Variants in LSAMP observed in about 807,000 individuals in gnomAD.
LSAMP encodes limbic system-associated membrane protein.
LSAMP carries 7 observed loss-of-function variants against 38.6 expected under a neutral mutation model. The ratio of observed to expected loss-of-function variants is 0.18; its 90% CI spans 0.10 to 0.34. The LOEUF is 0.34. Among genes scored for constraint, LSAMP ranks in the 10% least tolerant of loss-of-function variants. The pLI is 1.00. For missense variants in LSAMP, 313 were observed against 420.0 expected, an observed-to-expected ratio of 0.75 and a Z score of 2.23; for synonymous variants, 154 against 166.8, an observed-to-expected ratio of 0.92 and a Z score of 0.59.
chr3:116,217,446 G>C (rs894055383), intron 1 of LSAMP, among the ~76,000 whole-genome samples: 1 of 152,174 alleles, frequency 6.6e-6, no homozygotes, highest in African/African-American at 2.4e-5. Context: ...CCAGTTTCAT[G>C]GTTTGTTTAC....
chr3:116,109,769 G>A (rs1311293494), intron 1 of LSAMP, among the ~76,000 whole-genome samples: 3 of 151,836 alleles, frequency 2.0e-5, no homozygotes, highest in Non-Finnish European at 2.9e-5. Context: ...ATGGAGGGTG[G>A]AAGGTTGCCC....
At chr3:116,083,209 A>T (rs1707910166) in intron 2 of LSAMP, among the ~76,000 whole-genome samples, 1 of 152,116 alleles carries the variant, frequency 6.6e-6, no homozygotes, top group South Asian at 2.1e-4. Context: ...TTAGGACAGG[A>T]GTGAGTTTTA....
At chr3:116,150,391 T>G (rs140950577) in intron 1 of LSAMP, among the ~76,000 whole-genome samples, 79 of 152,190 alleles carry the variant, frequency 5.2e-4, no homozygotes, top group African/African-American at 1.9e-3. Flanking sequence ...TGCCTGTAGA[T>G]TTAAACATCC....
chr3:116,291,016 A>C (rs1164256309), intron 1 of LSAMP, among the ~76,000 whole-genome samples: 1 of 152,118 alleles, frequency 6.6e-6, no homozygotes, highest in Non-Finnish European at 1.5e-5. Context: ...CCTTATGTCC[A>C]ACAAGAAACT....
At chr3:116,221,651 T>G (rs564240908) in intron 1 of LSAMP, among the ~76,000 whole-genome samples, 1 of 152,216 alleles carries the variant, frequency 6.6e-6, no homozygotes, top group Non-Finnish European at 1.5e-5. Flanking sequence ...CACAGATTCT[T>G]ACACATACCA....
intron 1 of LSAMP, among the ~76,000 whole-genome samples, chr3:116,112,616 G>A (rs1447361522): frequency 6.6e-6 from 1 of 152,174 alleles, no homozygotes; most frequent in African/African-American, 2.4e-5. Flanking sequence ...GAATTTGGTA[G>A]CATAGGAACC....
intron 1 of LSAMP, among the ~76,000 whole-genome samples, chr3:116,253,052 T>C (rs2046705425): frequency 6.6e-6 from 1 of 152,202 alleles, no homozygotes; most frequent in Admixed American, 6.6e-5. Flanking sequence ...AAAGATGTTC[T>C]AGCCTTGGAT....
chr3:115,985,041 A>G (rs1484362462), intron 3 of LSAMP, among the ~76,000 whole-genome samples: 1 of 152,158 alleles, frequency 6.6e-6, no homozygotes, highest in Non-Finnish European at 1.5e-5. Flanking sequence ...AATAAGATAA[A>G]CTTTGTCCTG....
chr3:116,409,938 C>A (rs1037498113), intron 1 of LSAMP, among the ~76,000 whole-genome samples: 1 of 152,072 alleles, frequency 6.6e-6, no homozygotes, highest in African/African-American at 2.4e-5. Context: ...TGCTCAGATT[C>A]CTAACTCTGC....
Position 116,445,069 on chromosome 3 carries a change from G to A in LSAMP, c.-38C>T. ...GAGGTGCGGGTCCGCGGGGTGCTCT[G>A]GAGGGGTGCGCGCTGCTCGCGAGGA... On this transcript the variant is annotated 5_prime_UTR_variant, in exon 1 of 7. Coordinates refer to ENST00000490035, the MANE Select transcript of LSAMP (RefSeq NM_002338.5). 1 of 1,586,682 alleles carries A rather than the reference G, an allele frequency of 6.3e-7. No homozygotes were observed. Among genetic ancestry groups the A allele is most frequent in the Non-Finnish European group, 8.6e-7 (1 of 1,164,860 alleles).
At chr3:116,384,192 C>T (rs920665451) in intron 1 of LSAMP, among the ~76,000 whole-genome samples, 2 of 152,088 alleles carry the variant, frequency 1.3e-5, no homozygotes, top group Non-Finnish European at 2.9e-5. Context: ...AATACCACAC[C>T]AGTATCCTCC....
intron 1 of LSAMP, among the ~76,000 whole-genome samples, chr3:116,302,139 C>A (rs535164445): frequency 7.9e-5 from 12 of 152,270 alleles, no homozygotes; most frequent in African/African-American, 2.9e-4. Context: ...CCCAATAATG[C>A]AATAGAAAAG....
intron 1 of LSAMP, among the ~76,000 whole-genome samples, chr3:116,137,642 A>C (rs1176872661): frequency 6.6e-6 from 1 of 152,158 alleles, no homozygotes; most frequent in Non-Finnish European, 1.5e-5. Context: ...TGGCTACCCC[A>C]GCTAATCAAT....
At chr3:115,892,469 G>A (rs926120025) in intron 3 of LSAMP, among the ~76,000 whole-genome samples, 2 of 151,956 alleles carry the variant, frequency 1.3e-5, no homozygotes, top group Non-Finnish European at 2.9e-5. Context: ...AGTTGAGTGA[G>A]AGAAGCCAGA....
intron 1 of LSAMP, among the ~76,000 whole-genome samples, chr3:116,406,187 G>A (rs1331955637): frequency 3.3e-5 from 5 of 151,970 alleles, no homozygotes; most frequent in East Asian, 1.9e-4. Flanking sequence ...TCACTTATTC[G>A]AGACTTGGGG....
chr3:116,299,087 T>C (rs756469996), intron 1 of LSAMP, among the ~76,000 whole-genome samples: 1 of 152,194 alleles, frequency 6.6e-6, no homozygotes, highest in Non-Finnish European at 1.5e-5. Flanking sequence ...TTTTAAGCAA[T>C]GAGCTGAAAG....
chr3:115,956,709 C>G, intron 3 of LSAMP, among the ~76,000 whole-genome samples: 1 of 152,106 alleles, frequency 6.6e-6, no homozygotes, highest in East Asian at 1.9e-4. Context: ...AAATTGGAAG[C>G]TTATATAGTT....
rs369389644 is a variant in LSAMP at position 116,081,278 on chromosome 3, A to G, written c.388+5046T>C. ...AGAGATGGAGACCATCCTGGCCAAC[A>G]TGATGAAACCTCATCTCTACTAAAA... is the stretch of plus-strand genomic sequence containing the variant. On this transcript the variant is annotated intron_variant, in intron 2 of 6. Coordinates refer to ENST00000490035, the MANE Select transcript of LSAMP (RefSeq NM_002338.5). Among the ~76,000 whole-genome samples, 444 of 152,246 alleles carry G rather than the reference A, an allele frequency of 2.9e-3. 5 individuals are homozygous for G. The highest frequency in any genetic ancestry group is 9.8e-3 in the African/African-American group (408 of 41,552).
At chr3:116,328,082 G>C (rs2047798034) in intron 1 of LSAMP, among the ~76,000 whole-genome samples, 1 of 152,140 alleles carries the variant, frequency 6.6e-6, no homozygotes, top group African/African-American at 2.4e-5. Flanking sequence ...GCCCCGAAGT[G>C]TTTAGGCCTG....
Sources: gnomAD v4.1 joint callset for allele counts (sites outside exome capture counted in the v4.1 genomes callset) on GRCh38, gnomAD v4.1.1 for gene constraint, MANE v1.5 for transcripts, NCBI Gene and HGNC (gene_info 2026-07-23, HGNC 2026-07-21) for gene names.